The following MMD2 variants were observed in gnomAD, a reference collection of about 807,000 sequenced individuals.
MMD2 encodes monocyte to macrophage differentiation associated 2.
In MMD2, 30 loss-of-function variants were observed where a neutral mutation model predicts 33.5. The observed-to-expected ratio is 0.90, with a 90% CI of 0.67 to 1.22. MMD2 has a LOEUF of 1.22. Ranked by LOEUF, MMD2 falls within the 50% of genes most tolerant of loss-of-function variation. MMD2 has a pLI of 0.00. For missense variants in MMD2, 364 were observed against 325.4 expected (o/e 1.12, Z -0.91); for synonymous variants, 129 against 123.0 (o/e 1.05, Z -0.32).
intron 1 of MMD2, among the ~76,000 whole-genome samples, chr7:4,943,466 C>A (rs748803627): frequency 8.5e-5 from 13 of 152,244 alleles, no homozygotes; most frequent in African/African-American, 1.2e-4. Context: ...TCAACTCACA[C>A]CCTACCCATT....
At position 4,906,938 on chromosome 7, in the gene MMD2, C is replaced by T; in HGVS notation, c.*458G>A. On this transcript the variant is annotated 3_prime_UTR_variant, in exon 7 of 7. Transcript: ENST00000401401. ...CCATTCACCATCCCTCATCTTCAAGCTGGGCTGTCCCCTTTCCCTGAACCA... is the reference window on the plus strand; with the variant it reads ...CCATTCACCATCCCTCATCTTCAAGTTGGGCTGTCCCCTTTCCCTGAACCA... 4.3e-6 allele frequency: 1 copy of T among 233,298 alleles called. No individual in the cohort carries two copies. Among genetic ancestry groups the T allele is most frequent in the Non-Finnish European group, 8.4e-6 (1 of 119,718 alleles). 14.5% of individuals were successfully genotyped at this position (233,298 alleles called of 1,614,324 possible).
At chr7:4,936,046 G>A (rs749015257) in intron 1 of MMD2, among the ~76,000 whole-genome samples, 23 of 151,768 alleles carry the variant, frequency 1.5e-4, no homozygotes, top group Non-Finnish European at 2.1e-4. Flanking sequence ...CTAGGCAGGC[G>A]TGGTGGTGGG....
rs766536295 is a variant in MMD2, at chr7:4,911,264, A to G, written c.366-18T>C. ...GGTTCAGCCTGGGAGAGAAAGAGCCAAGGCCATGGCCCTGAGGGGGGCCCA... is the reference window on the plus strand; with the variant it reads ...GGTTCAGCCTGGGAGAGAAAGAGCCGAGGCCATGGCCCTGAGGGGGGCCCA... On this transcript the variant is annotated intron_variant, in intron 4 of 6. Transcript: ENST00000401401. The G allele has an allele frequency of 1.0e-5, 16 of 1,561,498 alleles. No homozygotes were observed. Among genetic ancestry groups the G allele is most frequent in the African/African-American group, 2.7e-5 (2 of 73,638 alleles).
downstream of MMD2, among the ~76,000 whole-genome samples, chr7:4,901,396 A>T (rs1784792579): frequency 6.6e-6 from 1 of 152,188 alleles, no homozygotes; most frequent in African/African-American, 2.4e-5. Context: ...AGCCAAGATC[A>T]CGCCACTGTA....
the MMD2 span, among the ~76,000 whole-genome samples, chr7:4,892,594 A>ATAAATAAG: frequency 6.8e-6 from 1 of 146,294 alleles, no homozygotes; most frequent in Non-Finnish European, 1.5e-5. Flanking sequence ...CTATAAATAA[A>ATAAATAAG]TAAATAAATA....
At position 4,943,374 on chromosome 7, in the gene MMD2, A is replaced by T. The variant is rs146216682; in HGVS notation, c.47+15597T>A. ...TGACGAGGATGATCTCGATCTCCCG[A>T]CCTCGTGATCCACCTGCCTCAGCCT... On this transcript the variant is annotated intron_variant, in intron 1 of 6. Transcript: ENST00000401401. Among the ~76,000 whole-genome samples, 1,281 of 151,606 alleles carry T rather than the reference A, an allele frequency of 8.4e-3. 10 individuals carry two copies. The highest frequency in any genetic ancestry group is 0.015 in the Non-Finnish European group (1,001 of 67,892).
rs569045199 is a variant in MMD2 at position 4,951,445 on chromosome 7, C to A, written c.47+7526G>T. 7.2e-5 allele frequency among the ~76,000 whole-genome samples: 11 copies of A among 152,172 alleles called. No individual in the cohort carries two copies. In the East Asian group the frequency reaches 2.1e-3, roughly 29 times the overall value. ...TGCCCTGGGTCCCTGCACTTCACCC[C>A]CCAATGGCCTCATTCTTCAATGTCC... On this transcript the variant is annotated intron_variant, in intron 1 of 6. Transcript: ENST00000401401.
intron 1 of MMD2, among the ~76,000 whole-genome samples, chr7:4,952,338 T>G (rs1786267735): frequency 6.6e-6 from 1 of 152,220 alleles, no homozygotes. Flanking sequence ...ATTTCTGCAC[T>G]GCTGATGAAG....
intron 1 of MMD2, among the ~76,000 whole-genome samples, chr7:4,927,176 G>A (rs186663229): frequency 3.3e-5 from 5 of 152,210 alleles, no homozygotes; most frequent in African/African-American, 1.2e-4. Context: ...ACTTTTTTGT[G>A]CATATTTTTT....
intron 1 of MMD2, among the ~76,000 whole-genome samples, chr7:4,944,858 C>T (rs1161020227): frequency 6.7e-6 from 1 of 148,722 alleles, no homozygotes; most frequent in Non-Finnish European, 1.5e-5. Context: ...AGCTCCGCCT[C>T]CCAGGTTCAC....
At chr7:4,898,818 G>C in the MMD2 span, among the ~76,000 whole-genome samples, 3 of 152,156 alleles carry the variant, frequency 2.0e-5, no homozygotes, top group African/African-American at 7.2e-5. Flanking sequence ...ATAATTGCTT[G>C]AACCTAGGAG....
chr7:4,948,537 AAAAG>A (rs568073804), intron 1 of MMD2, among the ~76,000 whole-genome samples: 183 of 152,256 alleles, frequency 1.2e-3, no homozygotes, highest in African/African-American at 4.3e-3. Context: ...GAAAAAAAAA[AAAAG>A]AAATCCACAT....
At chr7:4,956,691 A>G (rs892319968) in intron 1 of MMD2, among the ~76,000 whole-genome samples, 12 of 152,274 alleles carry the variant, frequency 7.9e-5, no homozygotes, top group Non-Finnish European at 1.3e-4. Flanking sequence ...ACCAGCTCTC[A>G]TGACTTTACA....
At chr7:4,921,110 T>C (rs894469771) in intron 2 of MMD2, among the ~76,000 whole-genome samples, 4 of 152,146 alleles carry the variant, frequency 2.6e-5, no homozygotes, top group East Asian at 1.9e-4. Flanking sequence ...AAGGGGTCCA[T>C]GTATGAAATG....
In MMD2 at chr7:4,908,520, T is replaced by G. The variant is rs528512395; in HGVS notation, c.538-921A>C. On this transcript the variant is annotated intron_variant, in intron 6 of 6. Transcript: ENST00000401401. The stretch of plus-strand genomic sequence containing the variant: ...TGAAAGCAGGGTCTTGACAGATACT[T>G]GCACACCCATGTTCATAGCAGTATA... Among the ~76,000 whole-genome samples the G allele has an allele frequency of 6.8e-4, 103 of 152,232 alleles. 1 individual carries two copies. The highest frequency in any genetic ancestry group is 2.2e-3 in the African/African-American group (90 of 41,538).
chr7:4,925,235 C>A (rs1370154556), intron 2 of MMD2, among the ~76,000 whole-genome samples: 1 of 152,024 alleles, frequency 6.6e-6, no homozygotes, highest in Non-Finnish European at 1.5e-5. Context: ...TCGGCCCCAT[C>A]GAAGGTTCTT....
chr7:4,904,393 C>A (rs1784833598), downstream of MMD2, among the ~76,000 whole-genome samples: 1 of 152,064 alleles, frequency 6.6e-6, no homozygotes, highest in South Asian at 2.1e-4. Context: ...AAATGGAATC[C>A]TGGGAAAATC....
intron 1 of MMD2, among the ~76,000 whole-genome samples, chr7:4,941,221 A>G (rs1785899743): frequency 6.6e-6 from 1 of 152,172 alleles, no homozygotes; most frequent in East Asian, 1.9e-4. Flanking sequence ...TCACCCACCA[A>G]TCATCTCCCA....
chr7:4,907,053 C>A lies in MMD2; in HGVS notation c.*343G>T. 3.2e-6 allele frequency: 1 copy of A among 315,836 alleles called. No homozygotes were observed. The allele number at this position is 315,836 out of a possible 1,614,324, so 19.6% of individuals were successfully genotyped here. On this transcript the variant is annotated 3_prime_UTR_variant, in exon 7 of 7. Transcript: ENST00000401401. ...AACCCACAGGACTCTTTGCCAGATT[C>A]TTCAGGACCTTAGGAAACACAGATT...
Sources: gnomAD v4.1 joint callset for allele counts (sites outside exome capture counted in the v4.1 genomes callset) on GRCh38, gnomAD v4.1.1 for gene constraint, MANE v1.5 for transcripts, NCBI Gene and HGNC (gene_info 2026-07-23, HGNC 2026-07-21) for gene names.